RFC3: variants seen among roughly 807,000 people sequenced by gnomAD.
The protein encoded by RFC3 is replication factor C subunit 3.
In RFC3, 41 loss-of-function variants were observed where a neutral mutation model predicts 45.1. That is an observed-to-expected ratio of 0.91 (90% CI 0.71 to 1.18). The LOEUF (loss-of-function observed/expected upper bound fraction) is 1.18. RFC3 is among the 50% of genes most tolerant of loss of function. RFC3 has a pLI of 0.00. For missense variants in RFC3, 423 were observed against 428.1 expected (o/e 0.99, Z 0.10); for synonymous variants, 149 against 144.0 (o/e 1.03, Z -0.25).
chr13:33,938,875 A>G (rs1356228772), intron 8 of RFC3, among the ~76,000 whole-genome samples: 2 of 152,124 alleles, frequency 1.3e-5, no homozygotes, highest in African/African-American at 2.4e-5. Flanking sequence ...TTACACTCCA[A>G]CTGGCAGTGT....
intron 8 of RFC3, among the ~76,000 whole-genome samples, chr13:33,888,747 C>CT (rs569209303): frequency 0.023 from 3,095 of 136,664 alleles, 40 homozygotes; most frequent in African/African-American, 0.038. Context: ...TAAAGAAAAT[C>CT]TTTTTTTTTT....
At chr13:33,842,340 A>G (rs186000612), downstream of RFC3, among the ~76,000 whole-genome samples, 64 of 152,254 alleles carry the variant, frequency 4.2e-4, no homozygotes, top group Admixed American at 2.8e-3. Flanking sequence ...TTCAAATTGC[A>G]TGCCATTCTG....
chr13:33,856,481 TTAAAA>T (rs137995726), intron 8 of RFC3, among the ~76,000 whole-genome samples: 83 of 152,270 alleles, frequency 5.5e-4, no homozygotes, highest in African/African-American at 1.9e-3. Flanking sequence ...ATACCTGAAC[TTAAAA>T]TAAAAGTTAA....
rs772919250 is a variant in RFC3, at chr13:33,821,277, T to C, written c.225+8T>C. ...GAACATCAGACCATCACAGTAAGCA[T>C]TTCACTTTGAGGCCCTGAAAGTAAT... On this transcript the variant is annotated splice_region_variant and intron_variant, in intron 2 of 8. Coordinates refer to ENST00000380071, the MANE Select transcript of RFC3 (RefSeq NM_002915.4). 1 of 1,612,592 alleles carries C rather than the reference T, an allele frequency of 6.2e-7. No homozygotes were observed. The highest frequency in any genetic ancestry group is 2.2e-5 in the East Asian group (1 of 44,840).
At chr13:33,967,896 A>G (rs2083095504), downstream of RFC3, among the ~76,000 whole-genome samples, 1 of 152,218 alleles carries the variant, frequency 6.6e-6, no homozygotes, top group Admixed American at 6.5e-5. Flanking sequence ...TCTTAATTTT[A>G]TTTTAAAAAA....
intron 8 of RFC3, among the ~76,000 whole-genome samples, chr13:33,904,678 A>G (rs2082661414): frequency 6.6e-6 from 1 of 152,030 alleles, no homozygotes; most frequent in South Asian, 2.1e-4. Context: ...CGTGCCATTC[A>G]GGCCCTTCCA....
At chr13:33,962,679 G>C (rs972168341) in intron 8 of RFC3, among the ~76,000 whole-genome samples, 1 of 152,166 alleles carries the variant, frequency 6.6e-6, no homozygotes, top group Non-Finnish European at 1.5e-5. Flanking sequence ...TTTAATAACA[G>C]AGGGAAATGC....
chr13:33,862,504 A>G (rs536362501), intron 8 of RFC3, among the ~76,000 whole-genome samples: 2 of 152,266 alleles, frequency 1.3e-5, no homozygotes, highest in African/African-American at 2.4e-5. Context: ...GGTTTTCTAC[A>G]TTAATAAGCT....
intron 2 of RFC3, among the ~76,000 whole-genome samples, chr13:33,822,233 A>C (rs1166342484): frequency 1.3e-5 from 2 of 152,212 alleles, no homozygotes; most frequent in Admixed American, 1.3e-4. Flanking sequence ...AGAAGAAACT[A>C]ATATCTTATA....
At chr13:33,966,551 C>T (rs1416163897) in exon 9 of RFC3, 2 of 170,850 alleles carry the variant, frequency 1.2e-5, no homozygotes, top group Non-Finnish European at 2.5e-5. Context: ...GTTACTTTCT[C>T]TTCTTTAGCT....
chr13:33,819,077 A>G (rs1042686521), intron 1 of RFC3, among the ~76,000 whole-genome samples: 1 of 151,838 alleles, frequency 6.6e-6, no homozygotes, highest in Non-Finnish European at 1.5e-5. Flanking sequence ...TTTTCAGTAG[A>G]GACGGGGTTT....
chr13:33,918,191 A>G (rs1566027904), intron 8 of RFC3, among the ~76,000 whole-genome samples: 1 of 152,164 alleles, frequency 6.6e-6, no homozygotes, highest in Non-Finnish European at 1.5e-5. Flanking sequence ...TCAAGGCAAT[A>G]CTTGCTCAAA....
At chr13:33,856,109 A>C (rs751859981) in intron 8 of RFC3, among the ~76,000 whole-genome samples, 9 of 152,152 alleles carry the variant, frequency 5.9e-5, no homozygotes, top group Non-Finnish European at 1.0e-4. Context: ...TGGGTTTTAC[A>C]TTTAAGTCTT....
chr13:33,837,283 A>C lies in RFC3; in HGVS notation c.*988A>C, dbSNP rs2082164023. The C allele has an allele frequency of 6.6e-6, 1 of 152,572 alleles. No individual in the cohort carries two copies. The highest frequency in any genetic ancestry group is 1.5e-5 in the Non-Finnish European group (1 of 68,410). 9.5% of individuals were successfully genotyped at this position (152,572 alleles called of 1,614,324 possible). A position where few individuals can be genotyped will look rare whatever the true frequency, so the allele number is the denominator to read the frequency against. On this transcript the variant is annotated 3_prime_UTR_variant, in exon 9 of 9. Coordinates refer to ENST00000380071, the MANE Select transcript of RFC3 (RefSeq NM_002915.4). ...CTTGTCATTATAGATGAGTTTTGCC[A>C]GTTCAAGAATTTAATGGAATCAGAT...
At chr13:33,964,968 G>A (rs2137876092) in intron 8 of RFC3, among the ~76,000 whole-genome samples, 1 of 103,212 alleles carries the variant, frequency 9.7e-6, no homozygotes, top group Non-Finnish European at 2.1e-5. Flanking sequence ...GTGGCCACAA[G>A]CCAAGGGATG....
Position 33,821,158 on chromosome 13 carries a change from G to A in RFC3, c.114G>A (p.Leu38=), listed in dbSNP as rs1412307865. 6.2e-7 allele frequency: 1 copy of A among 1,613,672 alleles called. No individual in the cohort carries two copies. Among genetic ancestry groups the A allele is most frequent in the East Asian group, 2.2e-5 (1 of 44,840 alleles). ...TGCAGTGTGGTGACTTTCCTCATCT[G>A]TTAGTGTACGGACCATCAGGTGCTG... ...NLVQCGDFPH[L]LVYGPSGAGK... is the part of the protein sequence containing the mutation. The change falls in exon 2 of 9, where the codon CTG becomes CTA. Residue 38 remains leucine, a synonymous_variant. Transcript: ENST00000380071.
At chr13:33,959,802 T>A (rs1010647976) in intron 8 of RFC3, among the ~76,000 whole-genome samples, 2 of 152,158 alleles carry the variant, frequency 1.3e-5, no homozygotes, top group Non-Finnish European at 2.9e-5. Context: ...ATTCTTGCAC[T>A]GCTATAGAGA....
At chr13:33,841,923 A>C (rs544369187), downstream of RFC3, among the ~76,000 whole-genome samples, 1 of 152,228 alleles carries the variant, frequency 6.6e-6, no homozygotes, top group South Asian at 2.1e-4. Flanking sequence ...GGAGCTCTGG[A>C]AATTATTCAG....
downstream of RFC3, among the ~76,000 whole-genome samples, chr13:33,970,215 T>G (rs576518419): frequency 7.2e-5 from 11 of 152,352 alleles, no homozygotes; most frequent in South Asian, 2.3e-3. Flanking sequence ...GTTAGTTTGC[T>G]GAGGATAATG....
Sources: allele counts gnomAD v4.1 joint callset (sites outside exome capture counted in the v4.1 genomes callset), GRCh38; gene constraint gnomAD v4.1.1; transcripts MANE v1.5; gene names NCBI Gene and HGNC (gene_info 2026-07-23, HGNC 2026-07-21).